Variants in RPS6KA2 observed in about 807,000 individuals in gnomAD.
RPS6KA2 encodes ribosomal protein S6 kinase alpha-2.
In RPS6KA2, 42 loss-of-function variants were observed where a neutral mutation model predicts 91.8. That is an observed-to-expected ratio of 0.46 (90% CI 0.36 to 0.59). The LOEUF (loss-of-function observed/expected upper bound fraction) is 0.59, where lower values mean the gene tolerates loss of function less well. Among genes scored for constraint, RPS6KA2 ranks in the 20% least tolerant of loss-of-function variants. RPS6KA2 has a pLI of 0.00. For missense variants in RPS6KA2, 798 were observed against 978.5 expected, an observed-to-expected ratio of 0.82 and a Z score of 2.46; for synonymous variants, 414 against 393.6, an observed-to-expected ratio of 1.05 and a Z score of -0.61.
At position 166,752,083 on chromosome 6, in the gene RPS6KA2, A is replaced by G. The variant is rs373447011; in HGVS notation, c.123+106117T>C. On this transcript the variant is annotated intron_variant, in intron 2 of 21. Transcript: ENST00000503859. ...CAGGTCCATTTGTACCTGGGTATTC[A>G]ATGTCTCATGTGCATTTGTTAGAAA... 2.8e-4 allele frequency among the ~76,000 whole-genome samples: 43 copies of G among 152,390 alleles called. No homozygotes were observed. The East Asian group carries it at 7.5e-3, about 27-fold the overall frequency.
At position 166,822,651 on chromosome 6, in the gene RPS6KA2, C is replaced by G. The variant is rs538853076; in HGVS notation, c.123+35549G>C. On this transcript the variant is annotated intron_variant, in intron 2 of 21. Coordinates refer to the RPS6KA2 transcript ENST00000503859. ...GCCCCACCACCTCCCACCACCCCAT[C>G]CAGCTCATGGATTATTTATGTGTCT... is the stretch of plus-strand genomic sequence containing the variant. Among the ~76,000 whole-genome samples the G allele has an allele frequency of 2.0e-5, 3 of 152,334 alleles. No homozygotes were observed. The East Asian group carries it at 5.8e-4, about 29-fold the overall frequency.
At chr6:166,457,964 C>A (rs889058584) in intron 12 of RPS6KA2, among the ~76,000 whole-genome samples, 4 of 152,172 alleles carry the variant, frequency 2.6e-5, no homozygotes, top group African/African-American at 9.7e-5. Context: ...CAAGATGCAG[C>A]CTGGCCAACC....
chr6:166,860,720 TG>T (rs895500479), intron 1 of RPS6KA2, among the ~76,000 whole-genome samples: 1 of 152,214 alleles, frequency 6.6e-6, no homozygotes, highest in African/African-American at 2.4e-5. Context: ...GATGACCAGC[TG>T]GGCTATAGGA....
intron 8 of RPS6KA2, among the ~76,000 whole-genome samples, chr6:166,491,071 C>T (rs573505148): frequency 8.5e-5 from 13 of 152,246 alleles, no homozygotes; most frequent in African/African-American, 2.6e-4. Context: ...ATCTTACACG[C>T]GGTTTAGGAA....
chr6:166,538,603 G>T (rs1783555483), intron 2 of RPS6KA2, 65 bp downstream of exon 2: 4 of 885,938 alleles, frequency 4.5e-6, no homozygotes, highest in Non-Finnish European at 7.6e-6. Flanking sequence ...CATCCAGGGG[G>T]GCTCTGTCCA....
At chr6:166,427,404 C>A (rs776787082) in intron 16 of RPS6KA2, among the ~76,000 whole-genome samples, 73 of 152,280 alleles carry the variant, frequency 4.8e-4, no homozygotes, top group African/African-American at 1.4e-3. Flanking sequence ...GACAGGGATG[C>A]CCTCTCTCAT....
At chr6:166,531,803 C>T (rs1471779024) in intron 2 of RPS6KA2, among the ~76,000 whole-genome samples, 1 of 152,154 alleles carries the variant, frequency 6.6e-6, no homozygotes, top group Non-Finnish European at 1.5e-5. Context: ...CTTAAGAGTT[C>T]CTTTCTAACT....
intron 2 of RPS6KA2, among the ~76,000 whole-genome samples, chr6:166,832,658 G>GGATTTGGATA (rs1562462581): frequency 2.0e-5 from 3 of 152,158 alleles, no homozygotes; most frequent in Non-Finnish European, 4.4e-5. Flanking sequence ...CAGTTTAAAT[G>GGATTTGGATA]TTAGGAAATG....
chr6:166,755,050 A>G (rs1777968906), intron 2 of RPS6KA2, among the ~76,000 whole-genome samples: 2 of 152,272 alleles, frequency 1.3e-5, no homozygotes, highest in Admixed American at 1.3e-4. Flanking sequence ...GGAACACAGA[A>G]AATCTATAAT....
intron 1 of RPS6KA2, among the ~76,000 whole-genome samples, chr6:166,548,216 TA>T (rs1783889402): frequency 6.6e-6 from 1 of 152,168 alleles, no homozygotes; most frequent in African/African-American, 2.4e-5. Flanking sequence ...AAGATCTAAA[TA>T]AATGGAGAGA....
At chr6:166,664,065 A>G (rs531027873) in intron 2 of RPS6KA2, among the ~76,000 whole-genome samples, 7 of 152,340 alleles carry the variant, frequency 4.6e-5, no homozygotes, top group African/African-American at 1.7e-4. Flanking sequence ...TCATAGAGGA[A>G]ATTTGTTAGA....
At chr6:166,579,076 A>C (rs1784927399) in intron 1 of RPS6KA2, among the ~76,000 whole-genome samples, 2 of 152,302 alleles carry the variant, frequency 1.3e-5, no homozygotes, top group African/African-American at 4.8e-5. Context: ...GATCATGAAA[A>C]ACAAGCCGGA....
At chr6:166,572,205 T>C (rs1302013480) in intron 1 of RPS6KA2, among the ~76,000 whole-genome samples, 1 of 152,178 alleles carries the variant, frequency 6.6e-6, no homozygotes, top group African/African-American at 2.4e-5. Context: ...AGTGGTGGGA[T>C]TGATTAGGGA....
chr6:166,661,950 AAC>A (rs1231412373), intron 2 of RPS6KA2, among the ~76,000 whole-genome samples: 2 of 152,234 alleles, frequency 1.3e-5, no homozygotes, highest in African/African-American at 4.8e-5. Flanking sequence ...CTCCCTTTAT[AAC>A]ACAGTACATA....
At chr6:166,755,643 T>C (rs938293577) in intron 2 of RPS6KA2, among the ~76,000 whole-genome samples, 3 of 152,196 alleles carry the variant, frequency 2.0e-5, no homozygotes, top group Admixed American at 6.5e-5. Context: ...CCCAGCTTCC[T>C]ACCTCCTCCT....
At chr6:166,461,146 C>T (rs764592382) in intron 11 of RPS6KA2, among the ~76,000 whole-genome samples, 24 of 152,238 alleles carry the variant, frequency 1.6e-4, no homozygotes, top group South Asian at 6.2e-4. Context: ...GGCGTGCACG[C>T]GGGAACCATC....
At chr6:166,450,911 T>C (rs1437293390) in intron 13 of RPS6KA2, among the ~76,000 whole-genome samples, 192 bp downstream of exon 13, 2 of 150,824 alleles carry the variant, frequency 1.3e-5, no homozygotes, top group African/African-American at 4.9e-5. Flanking sequence ...GGGACCGCCA[T>C]GGGGGATAAC....
chr6:166,848,911 T>A (rs1014396957), intron 2 of RPS6KA2, among the ~76,000 whole-genome samples: 1 of 151,744 alleles, frequency 6.6e-6, no homozygotes, highest in African/African-American at 2.4e-5. Context: ...AAATAAAAAA[T>A]TAATTTTTAA....
At chr6:166,501,740 C>T (rs527849624) in intron 6 of RPS6KA2, among the ~76,000 whole-genome samples, 2 of 152,316 alleles carry the variant, frequency 1.3e-5, no homozygotes, top group Admixed American at 1.3e-4. Context: ...TAAACTTTCC[C>T]CATTTATTTA....
Sources: gnomAD v4.1 joint callset for allele counts (sites outside exome capture counted in the v4.1 genomes callset) on GRCh38, gnomAD v4.1.1 for gene constraint, MANE v1.5 for transcripts, NCBI Gene and HGNC (gene_info 2026-07-23, HGNC 2026-07-21) for gene names.